The following TPD52L2 variants were observed in gnomAD, a reference collection of about 807,000 sequenced individuals.
TPD52L2 encodes the protein tumor protein D54.
Under a neutral mutation model 24.7 loss-of-function variants are expected in TPD52L2, and 19 were observed. The observed-to-expected ratio is 0.77, with a 90% CI of 0.54 to 1.13. TPD52L2 has a LOEUF of 1.13. Among genes scored for constraint, TPD52L2 ranks in the 50% most tolerant of loss-of-function variants. The pLI is 0.00. For synonymous variants in TPD52L2, 104 were observed against 100.2 expected, an observed-to-expected ratio of 1.04 and a Z score of -0.23; for missense variants, 236 against 250.4, an observed-to-expected ratio of 0.94 and a Z score of 0.39.
chr20:63,874,822 C>T (rs1424281042), intron 3 of TPD52L2, among the ~76,000 whole-genome samples: 1 of 152,082 alleles, frequency 6.6e-6, no homozygotes, highest in African/African-American at 2.4e-5. Flanking sequence ...GTGGGTGTGG[C>T]ATGGTCACAG....
At chr20:63,868,596 G>C in intron 1 of TPD52L2, among the ~76,000 whole-genome samples, 1 of 152,288 alleles carries the variant, frequency 6.6e-6, no homozygotes, top group South Asian at 2.1e-4. Context: ...TGTGTTGAGA[G>C]GAAAGTGATG....
intron 4 of TPD52L2, among the ~76,000 whole-genome samples, chr20:63,882,019 T>C (rs1600823358): frequency 6.6e-6 from 1 of 152,172 alleles, no homozygotes; most frequent in African/African-American, 2.4e-5. Context: ...CTGGAGGGGA[T>C]AGAAGCGGGG....
At chr20:63,866,593 C>T (rs899395933) in intron 1 of TPD52L2, among the ~76,000 whole-genome samples, 13 of 151,942 alleles carry the variant, frequency 8.6e-5, no homozygotes, top group African/African-American at 3.1e-4. Context: ...TCCCAACTAG[C>T]TGGGACTACA....
chr20:63,887,111 C>T (rs550946502), intron 5 of TPD52L2: 2 of 296,060 alleles, frequency 6.8e-6, no homozygotes, highest in East Asian at 2.2e-4. Flanking sequence ...AGAGCAAGCT[C>T]CTCTAGGCCA....
chr20:63,886,571 G>C (rs372810635), intron 5 of TPD52L2, among the ~76,000 whole-genome samples: 6 of 151,520 alleles, frequency 4.0e-5, no homozygotes, highest in African/African-American at 9.7e-5. Context: ...CCGTGGTCTC[G>C]ATCTCCCGAC....
intron 4 of TPD52L2, among the ~76,000 whole-genome samples, chr20:63,878,464 G>A (rs2052773446): frequency 6.6e-6 from 1 of 152,244 alleles, no homozygotes; most frequent in Admixed American, 6.5e-5. Flanking sequence ...GGTTGCAGGT[G>A]ACAGAAAGCA....
chr20:63,867,662 A>G (rs982810619), intron 1 of TPD52L2, among the ~76,000 whole-genome samples: 2 of 152,092 alleles, frequency 1.3e-5, no homozygotes, highest in Non-Finnish European at 2.9e-5. Flanking sequence ...CTCCAGTCCT[A>G]TGGGACATTT....
At position 63,874,217 on chromosome 20, in the gene TPD52L2, G is replaced by GTT. The variant is rs1191578533; in HGVS notation, c.314+401_314+402insTT. On this transcript the variant is annotated intron_variant, in intron 3 of 6. Transcript: ENST00000346249. ...CAGGCGCCTCCCACCGCGCCCGGCT[G>GTT]ATTTTTTTTTTTGTGTGTGTGTGTG... 6.8e-5 allele frequency among the ~76,000 whole-genome samples: 9 copies of GTT among 131,718 alleles called. No homozygotes were observed. In the East Asian group the frequency reaches 9.2e-4, roughly 13 times the overall value. 86.4% of individuals were successfully genotyped at this position (131,718 alleles called of 152,430 possible). A position where few individuals can be genotyped will look rare whatever the true frequency, so the allele number is the denominator to read the frequency against.
chr20:63,887,978 G>A (rs143497921), intron 5 of TPD52L2: 30 of 318,984 alleles, frequency 9.4e-5, no homozygotes, highest in African/African-American at 4.8e-4. Context: ...CAGCCTTCAC[G>A]GAAACACCCA....
chr20:63,890,132 C>T lies in TPD52L2; in HGVS notation c.*187C>T, dbSNP rs1164225156. ...AATTTGAAGAACACAGGCTTGTACA[C>T]AGATGTTTTACACTCACGTTTGTAG... is the stretch of plus-strand genomic sequence containing the variant. On this transcript the variant is annotated 3_prime_UTR_variant, in exon 7 of 7. Coordinates refer to ENST00000346249, the MANE Select transcript of TPD52L2 (RefSeq NM_003288.4). 4.5e-6 allele frequency: 6 copies of T among 1,332,204 alleles called. No individual in the cohort carries two copies. The highest frequency in any genetic ancestry group is 1.5e-5 in the African/African-American group (1 of 68,384). 82.5% of individuals were successfully genotyped at this position (1,332,204 alleles called of 1,614,324 possible).
rs771956892 is a variant in TPD52L2 at position 63,876,662 on chromosome 20, T to C, written c.374+787T>C. 1.7e-4 allele frequency: 72 copies of C among 424,252 alleles called. 1 individual carries two copies. The highest frequency in any genetic ancestry group is 1.1e-3 in the South Asian group (70 of 62,778). The allele number at this position is 424,252 out of a possible 1,614,324, so 26.3% of individuals were successfully genotyped here. A position where few individuals can be genotyped will look rare whatever the true frequency, so the allele number is the denominator to read the frequency against. On this transcript the variant is annotated intron_variant, in intron 4 of 6. Coordinates refer to ENST00000346249, the MANE Select transcript of TPD52L2 (RefSeq NM_003288.4). ...AGAACATGGGCAGAAAGTCCTCCCA[T>C]GTTGGTCTGAAAGGAAGCAGTTGCT...
rs2053174626 is a variant in TPD52L2, at chr20:63,887,472, C to A, written c.477-1718C>A. 1.5e-5 allele frequency: 21 copies of A among 1,387,274 alleles called. No individual in the cohort carries two copies. In the South Asian group the frequency reaches 2.4e-4, roughly 16 times the overall value. The allele number at this position is 1,387,274 out of a possible 1,614,324, so 85.9% of individuals were successfully genotyped here. On this transcript the variant is annotated intron_variant, in intron 5 of 6. Coordinates refer to ENST00000346249, the MANE Select transcript of TPD52L2 (RefSeq NM_003288.4). Reference sequence around the variant, plus strand: ...CCAACTGCTGGGAGTGGGGGAATCCCAGCTCTGCCCATCCCTGCCAAGTTG... The same window carrying A: ...CCAACTGCTGGGAGTGGGGGAATCCAAGCTCTGCCCATCCCTGCCAAGTTG...
At chr20:63,875,152 A>AAAATATATAT (rs1555873183) in intron 3 of TPD52L2, among the ~76,000 whole-genome samples, 7 of 141,736 alleles carry the variant, frequency 4.9e-5, no homozygotes, top group Non-Finnish European at 1.1e-4. Flanking sequence ...AAAAAAAAAA[A>AAAATATATAT]ATATATATAT....
In TPD52L2 at chr20:63,873,890, G is replaced by A. The variant is rs562575810; in HGVS notation, c.314+74G>A. On this transcript the variant is annotated intron_variant, in intron 3 of 6. Transcript: ENST00000346249. ...CCACACGTGCCCCGGCATGTGGGGG[G>A]GCGTCGTCATGCCCAGGGACGAGTT... is the stretch of plus-strand genomic sequence containing the variant. The A allele has an allele frequency of 1.7e-5, 24 of 1,403,468 alleles. No homozygotes were observed. The East Asian group carries it at 2.8e-4, about 16-fold the overall frequency. The allele number at this position is 1,403,468 out of a possible 1,614,324, so 86.9% of individuals were successfully genotyped here.
chr20:63,884,829 G>T (rs1467172349), intron 5 of TPD52L2, among the ~76,000 whole-genome samples: 1 of 152,136 alleles, frequency 6.6e-6, no homozygotes, highest in Non-Finnish European at 1.5e-5. Flanking sequence ...GACCTGGGAC[G>T]AGCCAGCTCG....
Position 63,890,217 on chromosome 20 carries a change from TTTGAAAGAA to T in TPD52L2, c.*274_*282del. The T allele has an allele frequency of 3.0e-6, 2 of 656,340 alleles. No individual in the cohort carries two copies. Among genetic ancestry groups the T allele is most frequent in the Non-Finnish European group, 4.9e-6 (2 of 409,772 alleles). The allele number at this position is 656,340 out of a possible 1,614,324, so 40.7% of individuals were successfully genotyped here. The stretch of plus-strand genomic sequence containing the variant: ...TGCAGGAAGTGGACAGGGCGGAGGG[TTTGAAAGAA>T]TATTGAGCCAAAGCCCAGGCTCCCT... On this transcript the variant is annotated 3_prime_UTR_variant, in exon 7 of 7. Coordinates refer to ENST00000346249, the MANE Select transcript of TPD52L2 (RefSeq NM_003288.4).
intron 5 of TPD52L2, among the ~76,000 whole-genome samples, chr20:63,883,287 A>G (rs187384565): frequency 6.6e-6 from 1 of 152,310 alleles, no homozygotes; most frequent in Non-Finnish European, 1.5e-5. Context: ...CTTCTCTCCC[A>G]GAGGCTGGTG....
At chr20:63,875,003 G>A (rs190863803) in intron 3 of TPD52L2, among the ~76,000 whole-genome samples, 78 of 152,076 alleles carry the variant, frequency 5.1e-4, no homozygotes, top group African/African-American at 1.2e-3. Context: ...TTAGCTGGGC[G>A]TGGTGGTGCG....
At chr20:63,889,329 C>A in intron 6 of TPD52L2, 91 bp downstream of exon 6, 1 of 1,120,856 alleles carries the variant, frequency 8.9e-7, no homozygotes, top group Non-Finnish European at 1.3e-6. Flanking sequence ...ATGGTAGACT[C>A]ACATACAGTT....
Sources: allele counts gnomAD v4.1 joint callset (sites outside exome capture counted in the v4.1 genomes callset), GRCh38; gene constraint gnomAD v4.1.1; transcripts MANE v1.5; gene names NCBI Gene and HGNC (gene_info 2026-07-23, HGNC 2026-07-21).